MAPKAP1: variants seen among roughly 807,000 people sequenced by gnomAD.
MAPKAP1 encodes the protein target of rapamycin complex 2 subunit MAPKAP1.
A neutral mutation model predicts 65.7 loss-of-function variants in MAPKAP1; 20 were observed. The ratio of observed to expected loss-of-function variants is 0.30; its 90% CI spans 0.21 to 0.44. MAPKAP1 has a LOEUF of 0.44. Among genes scored for constraint, MAPKAP1 ranks in the 20% least tolerant of loss-of-function variants. The probability of loss-of-function intolerance (pLI) is 1.00; values close to 1 mark genes in which losing one functional copy is unlikely to be tolerated. For synonymous variants in MAPKAP1, 222 were observed against 244.3 expected (o/e 0.91, Z 0.85); for missense variants, 423 against 648.0 (o/e 0.65, Z 3.77).
At chr9:125,535,987 G>C (rs1256022051) in intron 7 of MAPKAP1, among the ~76,000 whole-genome samples, 1 of 152,196 alleles carries the variant, frequency 6.6e-6, no homozygotes, top group Non-Finnish European at 1.5e-5. Flanking sequence ...TAATGGAAAA[G>C]GAACTTCTGA....
chr9:125,676,678 G>T (rs908900402), intron 1 of MAPKAP1, among the ~76,000 whole-genome samples: 1 of 152,204 alleles, frequency 6.6e-6, no homozygotes, highest in South Asian at 2.1e-4. Flanking sequence ...AAAAGTTATG[G>T]AAATGGACAG....
intron 7 of MAPKAP1, among the ~76,000 whole-genome samples, chr9:125,512,532 TTA>T (rs756610964): frequency 6.6e-6 from 1 of 152,190 alleles, no homozygotes; most frequent in African/African-American, 2.4e-5. Context: ...CGTTTAATCT[TTA>T]TGTTTCTTTT....
Position 125,642,564 on chromosome 9 carries a change from A to C in MAPKAP1, c.498+15087T>G, listed in dbSNP as rs141736542. Among the ~76,000 whole-genome samples, 10 of 152,300 alleles carry C rather than the reference A, an allele frequency of 6.6e-5. No individual in the cohort carries two copies. In the East Asian group the frequency reaches 1.9e-3, roughly 29 times the overall value. ...CCCACCAGCACCAGGCAGTTCTGAG[A>C]ACACCCATATTTGGTGTAAAAATAG... On this transcript the variant is annotated intron_variant, in intron 4 of 11. Transcript: ENST00000265960.
intron 10 of MAPKAP1, among the ~76,000 whole-genome samples, chr9:125,464,563 T>C (rs2132982540): frequency 6.6e-6 from 1 of 152,348 alleles, no homozygotes; most frequent in South Asian, 2.1e-4. Context: ...TATTTATATG[T>C]ACAATTTTTT....
chr9:125,680,923 C>T (rs1311502518), intron 1 of MAPKAP1, among the ~76,000 whole-genome samples: 1 of 152,206 alleles, frequency 6.6e-6, no homozygotes, highest in African/African-American at 2.4e-5. Context: ...GATAGCTATG[C>T]TTTCATTAGG....
intron 10 of MAPKAP1, among the ~76,000 whole-genome samples, chr9:125,452,424 A>G (rs1852990648): frequency 6.6e-6 from 1 of 151,932 alleles, no homozygotes; most frequent in East Asian, 1.9e-4. Flanking sequence ...AAAACATACC[A>G]TCTGGACCCC....
chr9:125,663,295 T>C (rs1834242508), intron 3 of MAPKAP1, among the ~76,000 whole-genome samples: 1 of 152,204 alleles, frequency 6.6e-6, no homozygotes, highest in South Asian at 2.1e-4. Context: ...CGTTTCTGCC[T>C]CAGAATCTTT....
At chr9:125,655,531 TTCTC>T (rs1052897570) in intron 4 of MAPKAP1, among the ~76,000 whole-genome samples, 2 of 152,212 alleles carry the variant, frequency 1.3e-5, no homozygotes, top group African/African-American at 2.4e-5. Context: ...TCAAGTATAA[TTCTC>T]TATTAATCAT....
chr9:125,602,189 G>A (rs141538500), intron 4 of MAPKAP1, among the ~76,000 whole-genome samples: 85 of 152,286 alleles, frequency 5.6e-4, no homozygotes, highest in Non-Finnish European at 1.1e-3. Context: ...GGAGGTTGAG[G>A]CTACAATGAG....
At chr9:125,440,499 G>C (rs550466588) in intron 11 of MAPKAP1, among the ~76,000 whole-genome samples, 1 of 152,342 alleles carries the variant, frequency 6.6e-6, no homozygotes, top group Admixed American at 6.5e-5. Flanking sequence ...GCCAGCCACT[G>C]CCTCTGCTGA....
intron 5 of MAPKAP1, among the ~76,000 whole-genome samples, chr9:125,576,345 T>C (rs1382191929): frequency 6.6e-6 from 1 of 152,196 alleles, no homozygotes; most frequent in Non-Finnish European, 1.5e-5. Context: ...TGCAAGATAT[T>C]AGTAACAGGA....
intron 4 of MAPKAP1, among the ~76,000 whole-genome samples, chr9:125,643,296 G>C (rs1833632951): frequency 6.6e-6 from 1 of 151,876 alleles, no homozygotes; most frequent in Admixed American, 6.6e-5. Context: ...CTGGGTTCAA[G>C]CAATTCTCTT....
chr9:125,582,801 G>A (rs578259837), intron 5 of MAPKAP1, among the ~76,000 whole-genome samples: 5 of 152,340 alleles, frequency 3.3e-5, no homozygotes, highest in African/African-American at 1.2e-4. Flanking sequence ...ATACCCTCAT[G>A]TAGTATTTCC....
chr9:125,672,271 T>A, intron 2 of MAPKAP1, 45 bp downstream of exon 2: 1 of 1,602,294 alleles, frequency 6.2e-7, no homozygotes, highest in South Asian at 1.1e-5. Flanking sequence ...TAAGACTGTT[T>A]ACTGATTTAA....
intron 10 of MAPKAP1, among the ~76,000 whole-genome samples, chr9:125,460,500 TAAAC>T (rs1853454229): frequency 6.6e-6 from 1 of 152,180 alleles, no homozygotes; most frequent in African/African-American, 2.4e-5. Context: ...ACACGTTCTG[TAAAC>T]ATACACATAA....
intron 3 of MAPKAP1, among the ~76,000 whole-genome samples, chr9:125,662,366 T>C (rs1834210992): frequency 6.6e-6 from 1 of 151,356 alleles, no homozygotes. Context: ...CCGGTGAGAG[T>C]GCAAGACCCT....
At chr9:125,460,214 T>G (rs985738086) in intron 10 of MAPKAP1, among the ~76,000 whole-genome samples, 1 of 152,170 alleles carries the variant, frequency 6.6e-6, no homozygotes, top group Non-Finnish European at 1.5e-5. Context: ...ATTTTTCATT[T>G]TACCTAGGCA....
intron 7 of MAPKAP1, among the ~76,000 whole-genome samples, chr9:125,517,702 TTA>T (rs1829502933): frequency 6.6e-6 from 1 of 152,234 alleles, no homozygotes; most frequent in African/African-American, 2.4e-5. Flanking sequence ...TCATAATTCT[TTA>T]GAACAAATTT....
intron 4 of MAPKAP1, among the ~76,000 whole-genome samples, chr9:125,591,815 G>A (rs769484871): frequency 2.0e-5 from 3 of 152,066 alleles, no homozygotes; most frequent in Non-Finnish European, 2.9e-5. Context: ...TTAAAAAAAC[G>A]GTGACCGAAG....
Sources: gnomAD v4.1 joint callset for allele counts (sites outside exome capture counted in the v4.1 genomes callset) on GRCh38, gnomAD v4.1.1 for gene constraint, MANE v1.5 for transcripts, NCBI Gene and HGNC (gene_info 2026-07-23, HGNC 2026-07-21) for gene names.